The following HYDIN variants were observed in gnomAD, a reference collection of about 807,000 sequenced individuals.
The protein encoded by HYDIN is HYDIN axonemal central pair apparatus protein.
Under a neutral mutation model 403.9 loss-of-function variants are expected in HYDIN, and 132 were observed. The observed-to-expected ratio is 0.33, with a 90% confidence interval of 0.28 to 0.38. The LOEUF (loss-of-function observed/expected upper bound fraction) is 0.38, where lower values mean the gene tolerates loss of function less well. Among genes scored for constraint, HYDIN ranks in the 10% least tolerant of loss-of-function variants. The pLI is 1.00. For synonymous variants in HYDIN, 1,202 were observed against 1,891.7 expected (o/e 0.64, Z 9.46); for missense variants, 2,827 against 5,009.5 (o/e 0.56, Z 13.15).
rs745468174 is a variant in HYDIN, at chr16:71,020,243, C to A, written c.3261G>T (p.Leu1087Phe). Residue 1087 changes from leucine to phenylalanine, a missense_variant, in exon 22 of 86, where the codon TTG becomes TTT. Physicochemically the swap from Leu to Phe is conservative, Grantham distance 22. Coordinates refer to ENST00000393567, the MANE Select transcript of HYDIN (RefSeq NM_001270974.2). ...IKNISTLPVN[L>F]LLSTSGPFFI... ...AGAAGGGTCCAGATGTTGACAGCAA[C>A]AAGTTCACGGGCAGGGTGGAAATGT... 17 of 1,613,998 alleles carry A rather than the reference C, an allele frequency of 1.1e-5. No homozygotes were observed. The highest frequency in any genetic ancestry group is 1.4e-5 in the Non-Finnish European group (16 of 1,179,984).
intron 23 of HYDIN, among the ~76,000 whole-genome samples, chr16:71,011,323 G>A (rs990202894): frequency 1.3e-5 from 2 of 152,186 alleles, no homozygotes; most frequent in African/African-American, 4.8e-5. Context: ...CACATGGCTA[G>A]GAGGAGCACA....
At chr16:70,938,168 G>A (rs1413722871) in intron 44 of HYDIN, among the ~76,000 whole-genome samples, 2 of 152,262 alleles carry the variant, frequency 1.3e-5, no homozygotes, top group Non-Finnish European at 2.9e-5. Flanking sequence ...GGGAGGAAGG[G>A]CTGAGATTTG....
intron 62 of HYDIN, among the ~76,000 whole-genome samples, chr16:70,876,138 A>G (rs1191278213): frequency 4.0e-5 from 6 of 151,662 alleles, no homozygotes; most frequent in Non-Finnish European, 8.8e-5. Flanking sequence ...GTCCGCCCAG[A>G]GCATTTGCCA....
intron 18 of HYDIN, among the ~76,000 whole-genome samples, chr16:71,034,080 C>T (rs1052133927): frequency 6.6e-6 from 1 of 151,350 alleles, no homozygotes; most frequent in African/African-American, 2.4e-5. Context: ...CAGGAAGCTT[C>T]GTGAAGCTCC....
At chr16:71,230,448 G>A in intron 1 of HYDIN, 114 bp downstream of exon 1, 2 of 1,294,760 alleles carry the variant, frequency 1.5e-6, no homozygotes, top group Non-Finnish European at 2.1e-6. Context: ...GGTCTGGAAA[G>A]TCTGGAGAAC....
chr16:70,915,118 C>A (rs1774407), intron 47 of HYDIN, among the ~76,000 whole-genome samples: 1 of 151,530 alleles, frequency 6.6e-6, no homozygotes, highest in Non-Finnish European at 1.5e-5. Context: ...TAATAACTAA[C>A]CTCCTGAATT....
intron 45 of HYDIN, among the ~76,000 whole-genome samples, chr16:70,928,934 C>T (rs1184785208): frequency 3.0e-5 from 4 of 131,706 alleles, no homozygotes; most frequent in African/African-American, 1.1e-4. Context: ...GAAACAAGGA[C>T]GATGGCCAGA....
chr16:71,214,481 T>C (rs1200691601), intron 1 of HYDIN, among the ~76,000 whole-genome samples: 1 of 152,112 alleles, frequency 6.6e-6, no homozygotes, highest in African/African-American at 2.4e-5. Flanking sequence ...TATTGGAGGA[T>C]TTTTGTACCC....
intron 45 of HYDIN, among the ~76,000 whole-genome samples, chr16:70,930,567 G>T (rs529857385): frequency 3.3e-5 from 5 of 152,340 alleles, no homozygotes; most frequent in African/African-American, 1.2e-4. Context: ...CCTCCAGAGA[G>T]TGAAAGGGAA....
intron 1 of HYDIN, among the ~76,000 whole-genome samples, chr16:71,229,902 G>A (rs929339207): frequency 2.6e-5 from 4 of 152,120 alleles, no homozygotes; most frequent in African/African-American, 9.7e-5. Context: ...GTCATGGGAG[G>A]GACCCCATGG....
chr16:70,934,391 A>G (rs2077439874), intron 45 of HYDIN, among the ~76,000 whole-genome samples: 1 of 152,112 alleles, frequency 6.6e-6, no homozygotes, highest in Non-Finnish European at 1.5e-5. Context: ...AGCCTGTGAG[A>G]AGAGCTGAAG....
At chr16:70,963,131 T>C (rs783735) in intron 37 of HYDIN, among the ~76,000 whole-genome samples, 7 of 150,688 alleles carry the variant, frequency 4.6e-5, no homozygotes, top group South Asian at 2.1e-4. Context: ...GTCCCTCTGA[T>C]GGTGTGTCTC....
intron 73 of HYDIN, among the ~76,000 whole-genome samples, chr16:70,854,172 G>A (rs1313801414): frequency 1.3e-5 from 2 of 152,102 alleles, no homozygotes; most frequent in Non-Finnish European, 2.9e-5. Flanking sequence ...AAGCCACCAC[G>A]CCCAGCAGTC....
chr16:71,220,417 GA>G (rs1290385861), intron 1 of HYDIN, among the ~76,000 whole-genome samples: 1 of 152,146 alleles, frequency 6.6e-6, no homozygotes, highest in Non-Finnish European at 1.5e-5. Context: ...GACATAAAAT[GA>G]AATACCAACT....
intron 71 of HYDIN, among the ~76,000 whole-genome samples, chr16:70,859,159 G>T (rs1484539021): frequency 6.6e-6 from 1 of 151,906 alleles, no homozygotes; most frequent in Non-Finnish European, 1.5e-5. Flanking sequence ...AAATTAGCTG[G>T]GCGTGGTGGC....
chr16:70,849,031 G>A (rs953394701), intron 75 of HYDIN, among the ~76,000 whole-genome samples: 13 of 152,140 alleles, frequency 8.5e-5, no homozygotes, highest in Admixed American at 6.5e-4. Flanking sequence ...ATCCCTATGA[G>A]GGGGGGTTCC....
At chr16:70,933,745 T>C (rs1362116147) in intron 45 of HYDIN, 3 of 154,854 alleles carry the variant, frequency 1.9e-5, no homozygotes, top group Middle Eastern at 1.0e-3. Flanking sequence ...TGTTAAAACA[T>C]TGGTTTAGCT....
chr16:71,122,862 C>T (rs2084311903), intron 9 of HYDIN, among the ~76,000 whole-genome samples: 1 of 143,286 alleles, frequency 7.0e-6, no homozygotes, highest in Non-Finnish European at 1.5e-5. Flanking sequence ...ATCGAGGAGA[C>T]ACTTGCTAAT....
intron 22 of HYDIN, among the ~76,000 whole-genome samples, chr16:71,019,252 GT>G (rs1479931431): frequency 6.6e-6 from 1 of 152,286 alleles, no homozygotes; most frequent in Non-Finnish European, 1.5e-5. Context: ...AAGCCACCTC[GT>G]GGTTTTGCAG....
Sources: allele counts gnomAD v4.1 joint callset (sites outside exome capture counted in the v4.1 genomes callset), GRCh38; gene constraint gnomAD v4.1.1; transcripts MANE v1.5; gene names NCBI Gene and HGNC (gene_info 2026-07-23, HGNC 2026-07-21).